PPP2R5C: variants seen among roughly 807,000 people sequenced by gnomAD.
The protein encoded by PPP2R5C is protein phosphatase 2 regulatory subunit B'gamma.
In PPP2R5C, 7 loss-of-function variants were observed where a neutral mutation model predicts 68.9. The observed-to-expected ratio is 0.10, with a 90% CI of 0.06 to 0.19. The LOEUF (loss-of-function observed/expected upper bound fraction) is 0.19. PPP2R5C is among the 10% of genes least tolerant of loss of function. The pLI, the probability that PPP2R5C is intolerant of heterozygous loss-of-function variation, is 1.00. For missense variants in PPP2R5C, 348 were observed against 641.3 expected, an observed-to-expected ratio of 0.54 and a Z score of 4.94; for synonymous variants, 210 against 222.2, an observed-to-expected ratio of 0.95 and a Z score of 0.49.
chr14:101,923,127 A>G (rs2141212553), intron 13 of PPP2R5C, among the ~76,000 whole-genome samples: 1 of 152,286 alleles, frequency 6.6e-6, no homozygotes, highest in Non-Finnish European at 1.5e-5. Flanking sequence ...TGCCATCTGC[A>G]TGCTGTCTTA....
At chr14:101,907,371 A>G (rs2046098855) in intron 10 of PPP2R5C, among the ~76,000 whole-genome samples, 1 of 151,894 alleles carries the variant, frequency 6.6e-6, no homozygotes. Context: ...GGGTTTTGCC[A>G]TGTTGCCCAG....
chr14:101,786,311 G>GT, intron 3 of PPP2R5C, 128 bp downstream of exon 3: 1 of 836,462 alleles, frequency 1.2e-6, no homozygotes, highest in Non-Finnish European at 1.7e-6. Flanking sequence ...CTGTATTGAG[G>GT]GGTTTTTTTT....
At chr14:101,884,154 C>T (rs1368518856) in intron 5 of PPP2R5C, among the ~76,000 whole-genome samples, 1 of 152,176 alleles carries the variant, frequency 6.6e-6, no homozygotes, top group Non-Finnish European at 1.5e-5. Context: ...GTCCAATGTT[C>T]AAGGGCAGGA....
intron 1 of PPP2R5C, among the ~76,000 whole-genome samples, chr14:101,837,865 T>TG (rs1418171012): frequency 6.6e-6 from 1 of 152,162 alleles, no homozygotes; most frequent in Non-Finnish European, 1.5e-5. Flanking sequence ...ATTTCACAGA[T>TG]GGGGGAATGG....
At chr14:101,818,807 T>C (rs559756291) in intron 1 of PPP2R5C, 1 of 536,510 alleles carries the variant, frequency 1.9e-6, no homozygotes, top group African/African-American at 1.9e-5. Context: ...ATGTTGATAT[T>C]TTGGTGTTTT....
intron 2 of PPP2R5C, among the ~76,000 whole-genome samples, chr14:101,869,895 C>G (rs1448143323): frequency 6.6e-6 from 1 of 152,050 alleles, no homozygotes; most frequent in Non-Finnish European, 1.5e-5. Context: ...CAAGTGATCC[C>G]CCTGCCTCAG....
chr14:101,783,569 C>G (rs756321236), intron 2 of PPP2R5C, among the ~76,000 whole-genome samples: 61 of 151,890 alleles, frequency 4.0e-4, no homozygotes, highest in Non-Finnish European at 8.2e-4. Context: ...GGCCAAGGGC[C>G]CCTTTGGAAC....
rs553283527 is a variant in PPP2R5C, at chr14:101,917,065, A to G, written c.1327-766A>G. Among the ~76,000 whole-genome samples, 2 of 152,242 alleles carry G rather than the reference A, an allele frequency of 1.3e-5. No individual in the cohort carries two copies. The highest frequency in any genetic ancestry group is 1.9e-4 in the East Asian group (1 of 5,164). On this transcript the variant is annotated intron_variant, in intron 12 of 13. Transcript: ENST00000334743. The surrounding 1 kb of genome is among the most constrained non-coding windows in gnomAD (Gnocchi z 4.4). ...GAGCCAGCAGACGCTCGTCACAGTC[A>G]TACTGTCCTGTGCACCCTGTCTCAT...
At chr14:101,816,937 A>T (rs1465033824) in intron 1 of PPP2R5C, among the ~76,000 whole-genome samples, 9 of 141,332 alleles carry the variant, frequency 6.4e-5, no homozygotes, top group Non-Finnish European at 1.5e-5. Context: ...AATATATATA[A>T]TATAAAAATA....
exon 11 of PPP2R5C, chr14:101,909,592 A>G (rs750054549): frequency 4.4e-6 from 7 of 1,604,460 alleles, no homozygotes; most frequent in African/African-American, 1.3e-5. Flanking sequence ...TTTATAGGAC[A>G]ATACATGGCT....
intron 8 of PPP2R5C, 139 bp downstream of exon 10, chr14:101,894,699 A>C: frequency 1.3e-6 from 1 of 749,464 alleles, no homozygotes. Flanking sequence ...GGCTCATTTC[A>C]TTCATGGGTT....
intron 2 of PPP2R5C, among the ~76,000 whole-genome samples, chr14:101,870,296 G>A (rs1271141591): frequency 6.6e-6 from 1 of 152,026 alleles, no homozygotes; most frequent in Non-Finnish European, 1.5e-5. Flanking sequence ...AGCTCACAAA[G>A]ATTTTTCTCC....
At chr14:101,780,258 T>C (rs780747287) in intron 2 of PPP2R5C, among the ~76,000 whole-genome samples, 2 of 152,170 alleles carry the variant, frequency 1.3e-5, no homozygotes, top group Non-Finnish European at 2.9e-5. Context: ...TTGGTTGGTT[T>C]GGGTCCTGAA....
intron 1 of PPP2R5C, chr14:101,836,635 TCA>T: frequency 2.2e-6 from 1 of 460,274 alleles, no homozygotes; most frequent in Non-Finnish European, 3.9e-6. Flanking sequence ...TTCTATAATT[TCA>T]GTTACATTTA....
intron 3 of PPP2R5C, 74 bp downstream of exon 3, chr14:101,786,257 A>C: frequency 7.7e-7 from 1 of 1,306,258 alleles, no homozygotes; most frequent in South Asian, 1.7e-5. Context: ...ATAGTGTGCT[A>C]ATTTATTCCT....
intron 13 of PPP2R5C, among the ~76,000 whole-genome samples, chr14:101,923,976 A>G (rs1043379433): frequency 6.6e-6 from 1 of 152,268 alleles, no homozygotes; most frequent in African/African-American, 2.4e-5. Context: ...ACATACCACA[A>G]AAGTAACTTA....
At position 101,916,496 on chromosome 14, in the gene PPP2R5C, G is replaced by A. The variant is rs971823009; in HGVS notation, c.1327-1335G>A. On this transcript the variant is annotated intron_variant, in intron 12 of 13. Coordinates refer to ENST00000334743, the Ensembl canonical transcript of PPP2R5C. The surrounding 1 kb of genome is among the most constrained non-coding windows in gnomAD (Gnocchi z 5.5). ...AGGAGAGGCTGGGGTCACAGAGACC[G>A]AGGGAGGGTGCAGGTTCAGGGCTGA... Among the ~76,000 whole-genome samples the A allele has an allele frequency of 2.6e-5, 4 of 152,348 alleles. No individual in the cohort carries two copies. Among genetic ancestry groups the A allele is most frequent in the East Asian group, 1.9e-4 (1 of 5,186 alleles).
At chr14:101,861,237 A>G (rs79999043) in intron 2 of PPP2R5C, among the ~76,000 whole-genome samples, 3,762 of 152,264 alleles carry the variant, frequency 0.025, 65 homozygotes, top group Non-Finnish European at 0.037. Flanking sequence ...CAGTTTTTAC[A>G]TGGTTTCAGA....
chr14:101,780,529 G>A (rs2037623970), intron 2 of PPP2R5C, among the ~76,000 whole-genome samples: 1 of 152,160 alleles, frequency 6.6e-6, no homozygotes, highest in Non-Finnish European at 1.5e-5. Flanking sequence ...AGGCTCACCT[G>A]GGCTGAAGTG....
Sources: gnomAD v4.1 joint callset for allele counts (sites outside exome capture counted in the v4.1 genomes callset) on GRCh38, gnomAD v4.1.1 for gene constraint, Gnocchi (gnomAD v3.1) non-coding constraint, MANE v1.5 for transcripts, NCBI Gene and HGNC (gene_info 2026-07-23, HGNC 2026-07-21) for gene names.